The following NRXN1 variants were observed in gnomAD, a reference collection of about 807,000 sequenced individuals.
The protein encoded by NRXN1 is neurexin-1.
NRXN1 carries 39 observed loss-of-function variants against 150.9 expected under a neutral mutation model. The observed-to-expected ratio is 0.26, with a 90% CI of 0.20 to 0.34. The LOEUF is 0.34. Ranked by LOEUF, NRXN1 falls within the 10% of genes least tolerant of loss-of-function variation. The pLI is 1.00. For missense variants in NRXN1, 1,815 were observed against 1,949.9 expected, an observed-to-expected ratio of 0.93 and a Z score of 1.30; for synonymous variants, 924 against 757.0, an observed-to-expected ratio of 1.22 and a Z score of -3.62.
intron 18 of NRXN1, among the ~76,000 whole-genome samples, chr2:50,110,300 C>G (rs1469324487): frequency 6.6e-6 from 1 of 151,916 alleles, no homozygotes; most frequent in Non-Finnish European, 1.5e-5. Flanking sequence ...ACCATCCTGT[C>G]TAACACGGTG....
intron 5 of NRXN1, among the ~76,000 whole-genome samples, chr2:50,860,548 T>C (rs773916817): frequency 2.0e-5 from 3 of 152,014 alleles, no homozygotes; most frequent in African/African-American, 7.2e-5. Context: ...GGAATTTGTA[T>C]AGGGCATGTG....
At chr2:50,866,629 T>C (rs1676976972) in intron 5 of NRXN1, among the ~76,000 whole-genome samples, 1 of 151,926 alleles carries the variant, frequency 6.6e-6, no homozygotes, top group South Asian at 2.1e-4. Context: ...ACACGCCTCT[T>C]TAAGGGCAAG....
intron 18 of NRXN1, among the ~76,000 whole-genome samples, chr2:50,179,803 G>T (rs959605082): frequency 6.6e-6 from 1 of 152,020 alleles, no homozygotes; most frequent in African/African-American, 2.4e-5. Context: ...TTGAAAAGCA[G>T]CAGCTGCTTA....
rs950444959 is a variant in NRXN1, at chr2:50,579,820, C to T, written c.1321-26795G>A. On this transcript the variant is annotated intron_variant, in intron 8 of 22. Transcript: ENST00000401669. ...AATCTAGTAGGAGAATATGACAATCCTACCACTGGAAAAAGCAATTGAACA... is the reference window on the plus strand; with the variant it reads ...AATCTAGTAGGAGAATATGACAATCTTACCACTGGAAAAAGCAATTGAACA... 1.3e-4 allele frequency among the ~76,000 whole-genome samples: 20 copies of T among 151,850 alleles called. 1 individual carries two copies. The highest frequency in any genetic ancestry group is 2.9e-5 in the Non-Finnish European group (2 of 67,982).
In NRXN1 at chr2:51,027,799, G is replaced by T; in HGVS notation, c.475C>A (p.Pro159Thr). Reference sequence around the variant, plus strand: ...AGCGCCGCGGCGCGCAGTTCCGGGGGCAGCCCCCCGACGAAAAGGCCGCTG... The same window carrying T: ...AGCGCCGCGGCGCGCAGTTCCGGGGTCAGCCCCCCGACGAAAAGGCCGCTG... ...VFSGLFVGGL[P>T]PELRAAALKL... The change falls in exon 2 of 23, where the codon CCC becomes ACC. Residue 159 changes from proline to threonine, a missense_variant. Physicochemically the swap from Pro to Thr is conservative, Grantham distance 38. This residue lies in a region of NRXN1 where 554 missense variants were observed against 478.8 expected (regional missense o/e 1.16). Coordinates refer to ENST00000401669, the MANE Select transcript of NRXN1 (RefSeq NM_001330078.2). 1.9e-6 allele frequency: 3 copies of T among 1,613,040 alleles called. No individual in the cohort carries two copies. The South Asian group carries it at 3.3e-5, about 18-fold the overall frequency.
intron 5 of NRXN1, among the ~76,000 whole-genome samples, chr2:50,808,951 T>C (rs1353422619): frequency 6.6e-6 from 1 of 152,128 alleles, no homozygotes; most frequent in Admixed American, 6.6e-5. Flanking sequence ...CTTATGAACA[T>C]ATTGACAACT....
intron 10 of NRXN1, among the ~76,000 whole-genome samples, chr2:50,532,053 G>C (rs1463003369): frequency 3.9e-5 from 6 of 151,986 alleles, no homozygotes; most frequent in Non-Finnish European, 7.4e-5. Flanking sequence ...GTCTCCCTTT[G>C]TTGCCAAGGC....
intron 2 of NRXN1, among the ~76,000 whole-genome samples, chr2:51,014,545 T>A (rs1482240774): frequency 6.6e-6 from 1 of 152,056 alleles, no homozygotes; most frequent in Non-Finnish European, 1.5e-5. Context: ...CATTAGCTTA[T>A]ACAGACTTCT....
chr2:50,358,667 A>G (rs1329983784), intron 17 of NRXN1, among the ~76,000 whole-genome samples: 1 of 152,116 alleles, frequency 6.6e-6, no homozygotes, highest in Non-Finnish European at 1.5e-5. Flanking sequence ...CAGCCAACTT[A>G]CCCACTCCTG....
At chr2:50,551,044 G>A (rs13409148) in intron 9 of NRXN1, among the ~76,000 whole-genome samples, 731 of 65,658 alleles carry the variant, frequency 0.011, 3 homozygotes, top group East Asian at 0.051. Context: ...AAGAGGAAGA[G>A]GAAGAGGAAG....
At chr2:50,629,169 A>C (rs1481693215) in intron 5 of NRXN1, among the ~76,000 whole-genome samples, 1 of 151,758 alleles carries the variant, frequency 6.6e-6, no homozygotes, top group African/African-American at 2.4e-5. Context: ...GCATACTAGA[A>C]TGTTTACAGT....
intron 17 of NRXN1, among the ~76,000 whole-genome samples, chr2:50,355,909 T>G (rs1473040932): frequency 6.6e-6 from 1 of 152,012 alleles, no homozygotes; most frequent in African/African-American, 2.4e-5. Flanking sequence ...CCCTTATAGG[T>G]TTATTGGTGA....
chr2:50,620,298 T>A, intron 7 of NRXN1, 115 bp from the exon 8 acceptor site: 1 of 1,162,332 alleles, frequency 8.6e-7, no homozygotes, highest in Non-Finnish European at 1.2e-6. Flanking sequence ...TTGTTTTGCT[T>A]TTTTCTTTTT....
intron 5 of NRXN1, among the ~76,000 whole-genome samples, chr2:50,839,515 ATTAT>A (rs1163834526): frequency 6.6e-6 from 1 of 152,150 alleles, no homozygotes; most frequent in African/African-American, 2.4e-5. Flanking sequence ...TGTAGGAACA[ATTAT>A]TTATTTAACT....
intron 5 of NRXN1, among the ~76,000 whole-genome samples, chr2:50,711,020 T>C (rs1347209353): frequency 6.6e-6 from 1 of 152,168 alleles, no homozygotes; most frequent in Non-Finnish European, 1.5e-5. Flanking sequence ...ATTGGAATAA[T>C]GACAACAAGC....
At chr2:50,774,248 C>A (rs1703340192) in intron 5 of NRXN1, among the ~76,000 whole-genome samples, 1 of 152,036 alleles carries the variant, frequency 6.6e-6, no homozygotes, top group African/African-American at 2.4e-5. Context: ...TTTAAAACAA[C>A]AACAACAAAA....
intron 18 of NRXN1, among the ~76,000 whole-genome samples, chr2:50,187,698 C>T (rs1258481436): frequency 1.3e-5 from 2 of 152,034 alleles, no homozygotes; most frequent in East Asian, 1.9e-4. Flanking sequence ...TGGCCATTTT[C>T]GCAATATTGA....
chr2:50,432,171 A>G (rs2085024929), intron 17 of NRXN1: 1 of 152,164 alleles, frequency 6.6e-6, no homozygotes, highest in South Asian at 2.1e-4. Context: ...GCTCCACATC[A>G]TTCACTGCAT....
At chr2:50,383,559 T>C (rs1558638891) in intron 17 of NRXN1, among the ~76,000 whole-genome samples, 1 of 152,194 alleles carries the variant, frequency 6.6e-6, no homozygotes, top group Admixed American at 6.5e-5. Flanking sequence ...GTGATCAAAA[T>C]ATATTTTAAG....
Sources: gnomAD v4.1 joint callset for allele counts (sites outside exome capture counted in the v4.1 genomes callset) on GRCh38, gnomAD v4.1.1 for gene constraint, gnomAD v4.1.1 regional missense constraint, MANE v1.5 for transcripts, NCBI Gene and HGNC (gene_info 2026-07-23, HGNC 2026-07-21) for gene names.